Variants in AMZ2 observed in about 807,000 individuals in gnomAD.
AMZ2 encodes archaemetzincin-2.
AMZ2 carries 26 observed loss-of-function variants against 36.7 expected under a neutral mutation model. The ratio of observed to expected loss-of-function variants is 0.71; its 90% CI spans 0.52 to 0.98. The LOEUF (loss-of-function observed/expected upper bound fraction) is 0.98, where lower values mean the gene tolerates loss of function less well. Ranked by LOEUF, AMZ2 falls within the 50% of genes least tolerant of loss-of-function variation. AMZ2 has a pLI of 0.00. For missense variants in AMZ2, 394 were observed against 430.5 expected (o/e 0.92, Z 0.75); for synonymous variants, 144 against 149.1 (o/e 0.97, Z 0.25).
At chr17:68,215,872 C>T (rs546205586) in intron 1 of AMZ2, among the ~76,000 whole-genome samples, 2 of 151,452 alleles carry the variant, frequency 1.3e-5, no homozygotes, top group East Asian at 3.9e-4. Flanking sequence ...CCTTTTTGGC[C>T]AGATACAGAC....
In AMZ2 at chr17:68,250,224, A is replaced by C. The variant is rs548870490; in HGVS notation, c.37A>C (p.Thr13Pro). 6.2e-7 allele frequency: 1 copy of C among 1,614,146 alleles called. No individual in the cohort carries two copies. Among genetic ancestry groups the C allele is most frequent in the Non-Finnish European group, 8.5e-7 (1 of 1,180,012 alleles). ...IIRHSEQTLK[T>P]ALISKNPVLV... Reference sequence around the variant, plus strand: ...ACGGCACTCCGAACAGACACTAAAAACAGCTCTCATCTCAAAGAACCCAGT... The same window carrying C: ...ACGGCACTCCGAACAGACACTAAAACCAGCTCTCATCTCAAAGAACCCAGT... The change falls in exon 2 of 7, where the codon ACA becomes CCA. Residue 13 changes from threonine (T) to proline (P), a missense_variant. Physicochemically the swap from Thr to Pro is conservative, Grantham distance 38 (BLOSUM62 -1). Coordinates refer to ENST00000359904, the MANE Select transcript of AMZ2 (RefSeq NM_016627.5).
chr17:68,207,871 C>T (rs1343124348), intron 1 of AMZ2, among the ~76,000 whole-genome samples: 6 of 151,768 alleles, frequency 4.0e-5, no homozygotes, highest in African/African-American at 7.3e-5. Flanking sequence ...GAGGCGCAGG[C>T]GGGAACCGGG....
At chr17:68,240,061 T>G (rs1159914704) in intron 1 of AMZ2, among the ~76,000 whole-genome samples, 3 of 152,210 alleles carry the variant, frequency 2.0e-5, no homozygotes, top group Non-Finnish European at 4.4e-5. Context: ...GAAATTTATT[T>G]CCCACGGTTC....
chr17:68,209,355 G>A (rs541937099), intron 1 of AMZ2, among the ~76,000 whole-genome samples: 42 of 151,858 alleles, frequency 2.8e-4, no homozygotes, highest in African/African-American at 9.4e-4. Context: ...CAGCATGCCC[G>A]GCTAATTTTT....
At chr17:68,237,013 G>A (rs2144627343) in intron 1 of AMZ2, among the ~76,000 whole-genome samples, 1 of 152,236 alleles carries the variant, frequency 6.6e-6, no homozygotes, top group South Asian at 2.1e-4. Context: ...AATACGCATA[G>A]CATGAGATTG....
chr17:68,229,560 G>A (rs1343027482), intron 1 of AMZ2, among the ~76,000 whole-genome samples: 4 of 152,146 alleles, frequency 2.6e-5, no homozygotes, highest in African/African-American at 4.8e-5. Flanking sequence ...ACCCAAAAGC[G>A]AGGTACCTTA....
intron 1 of AMZ2, among the ~76,000 whole-genome samples, chr17:68,210,128 G>GT (rs2144468300): frequency 6.6e-6 from 1 of 152,246 alleles, no homozygotes; most frequent in South Asian, 2.1e-4. Flanking sequence ...TGCTTTGGCA[G>GT]TTACTCAAAA....
chr17:68,250,174 C>CTTTTTT lies in AMZ2; in HGVS notation c.1-11_1-6dup. 6.2e-7 allele frequency: 1 copy of CTTTTTT among 1,602,676 alleles called. No individual in the cohort carries two copies. The highest frequency in any genetic ancestry group is 1.1e-5 in the South Asian group (1 of 89,824). On this transcript the variant is annotated splice_polypyrimidine_tract_variant and intron_variant, in intron 1 of 6. Transcript: ENST00000359904. Reference sequence around the variant, plus strand: ...ATGTATTTTTATATTTGATTACTTGCTTTTTTTTGTTAGATGCAAATAATA... The same window carrying CTTTTTT: ...ATGTATTTTTATATTTGATTACTTGCTTTTTTTTTTTTTTGTTAGATGCAAATAATA...
intron 1 of AMZ2, chr17:68,249,350 G>C (rs1446882992): frequency 5.8e-6 from 1 of 171,712 alleles, no homozygotes. Context: ...CTATTGCCCA[G>C]GCTGGACTGC....
intron 1 of AMZ2, among the ~76,000 whole-genome samples, chr17:68,242,536 C>G (rs1366946359): frequency 6.6e-6 from 1 of 151,930 alleles, no homozygotes; most frequent in Admixed American, 6.6e-5. Context: ...CTCAGCCTCC[C>G]GAGTAGCTGG....
intron 1 of AMZ2, among the ~76,000 whole-genome samples, chr17:68,228,898 G>A (rs1387451491): frequency 3.9e-5 from 6 of 152,216 alleles, no homozygotes; most frequent in Non-Finnish European, 8.8e-5. Context: ...GTGCTGGCCT[G>A]TTGGCCCTGT....
intron 1 of AMZ2, chr17:68,207,231 T>C (rs1273112879): frequency 2.0e-5 from 3 of 151,968 alleles, no homozygotes; most frequent in African/African-American, 7.3e-5. Flanking sequence ...AAATCCGTAA[T>C]GAATTTCTCC....
chr17:68,210,775 C>G (rs1555725701), intron 1 of AMZ2, among the ~76,000 whole-genome samples: 2 of 151,956 alleles, frequency 1.3e-5, no homozygotes, highest in African/African-American at 4.8e-5. Context: ...TAGAGAAATC[C>G]TGTCTCTACA....
intron 3 of AMZ2, 24 bp from the exon 4 acceptor site, chr17:68,251,026 A>C: frequency 6.2e-7 from 1 of 1,606,836 alleles, no homozygotes; most frequent in South Asian, 1.1e-5. Context: ...ACACTCATAC[A>C]TTTATGTATT....
intron 1 of AMZ2, chr17:68,249,164 T>C: frequency 9.4e-7 from 1 of 1,058,524 alleles, no homozygotes; most frequent in Non-Finnish European, 1.2e-6. Flanking sequence ...GGCCATAAAC[T>C]TCAGTGGCTA....
intron 1 of AMZ2, among the ~76,000 whole-genome samples, chr17:68,225,508 T>C (rs1304283687): frequency 2.0e-5 from 3 of 152,246 alleles, no homozygotes; most frequent in African/African-American, 7.2e-5. Flanking sequence ...TATTTTGATT[T>C]TTAATTTTTT....
intron 1 of AMZ2, among the ~76,000 whole-genome samples, chr17:68,208,478 A>C (rs1555724948): frequency 6.6e-6 from 1 of 152,190 alleles, no homozygotes; most frequent in Non-Finnish European, 1.5e-5. Context: ...TGTTTAGCTC[A>C]GGGATTGTAA....
Position 68,255,724 on chromosome 17 carries a change from A to AT in AMZ2, c.776dup (p.Phe260IlefsTer23), listed in dbSNP as rs782103777. ...GACTTTAACCCATGAGATCGGACAC[A>AT]TATTTGGACTGCGACACTGCCAGTG... On this transcript the variant is annotated frameshift_variant, in exon 6 of 7. Transcript: ENST00000359904. LOFTEE classifies it high-confidence loss of function. 6.2e-7 allele frequency: 1 copy of AT among 1,614,176 alleles called. No homozygotes were observed. The highest frequency in any genetic ancestry group is 1.1e-5 in the South Asian group (1 of 91,086).
chr17:68,232,047 G>A (rs112546699), intron 1 of AMZ2, among the ~76,000 whole-genome samples: 8,937 of 139,576 alleles, frequency 0.064, 477 homozygotes, highest in Admixed American at 0.15. Flanking sequence ...AAGTTCTAAT[G>A]TAAAGAAATG....
Sources: gnomAD v4.1 joint callset for allele counts (sites outside exome capture counted in the v4.1 genomes callset) on GRCh38, gnomAD v4.1.1 for gene constraint, MANE v1.5 for transcripts, NCBI Gene and HGNC (gene_info 2026-07-23, HGNC 2026-07-21) for gene names.